The following KTN1 variants were observed in gnomAD, a reference collection of about 807,000 sequenced individuals.
KTN1 encodes the protein kinectin.
In KTN1, 130 loss-of-function variants were observed where a neutral mutation model predicts 222.5. The ratio of observed to expected loss-of-function variants is 0.58; its 90% CI spans 0.51 to 0.68. The LOEUF (loss-of-function observed/expected upper bound fraction) is 0.68, where lower values mean the gene tolerates loss of function less well. KTN1 is among the 30% of genes least tolerant of loss of function. The pLI, the probability that KTN1 is intolerant of heterozygous loss-of-function variation, is 0.00. For missense variants in KTN1, 1,508 were observed against 1,500.4 expected (o/e 1.01, Z -0.08); for synonymous variants, 512 against 496.3 (o/e 1.03, Z -0.42).
chr14:55,643,525 C>G (rs919158579), intron 18 of KTN1, among the ~76,000 whole-genome samples: 1 of 152,012 alleles, frequency 6.6e-6, no homozygotes, highest in Non-Finnish European at 1.5e-5. Context: ...TGCTGATAAC[C>G]AGTGTATGAA....
At chr14:55,647,361 G>A (rs112418863) in intron 19 of KTN1, among the ~76,000 whole-genome samples, 9,216 of 152,158 alleles carry the variant, frequency 0.061, 385 homozygotes, top group South Asian at 0.089. Context: ...ACTGCTGGGC[G>A]TGGTGGCTCA....
At chr14:55,582,869 A>G (rs182071048) in intron 1 of KTN1, among the ~76,000 whole-genome samples, 7 of 152,268 alleles carry the variant, frequency 4.6e-5, no homozygotes, top group African/African-American at 1.4e-4. Context: ...TACTGTTTTT[A>G]GTGACTTTGA....
chr14:55,679,548 T>C lies in KTN1; in HGVS notation c.3949-17T>C. On this transcript the variant is annotated splice_polypyrimidine_tract_variant and intron_variant, in intron 42 of 43. Coordinates refer to ENST00000395314, the MANE Select transcript of KTN1 (RefSeq NM_001079521.2). Reference sequence around the variant, plus strand: ...CCTTGTGTATGGAGTTTATCATCACTTCCATCTTCTTTTTAGGAGTCTTCT... The same window carrying C: ...CCTTGTGTATGGAGTTTATCATCACCTCCATCTTCTTTTTAGGAGTCTTCT... The C allele has an allele frequency of 1.3e-6, 2 of 1,594,566 alleles. No homozygotes were observed. Among genetic ancestry groups the C allele is most frequent in the Non-Finnish European group, 8.6e-7 (1 of 1,167,590 alleles).
chr14:55,625,159 A>C (rs189285967), intron 5 of KTN1, among the ~76,000 whole-genome samples: 5 of 152,262 alleles, frequency 3.3e-5, no homozygotes, highest in Admixed American at 6.5e-5. Context: ...GTGGCCTTAG[A>C]TAAGTTACTT....
At chr14:55,593,803 C>G (rs914159824) in intron 1 of KTN1, among the ~76,000 whole-genome samples, 2 of 151,760 alleles carry the variant, frequency 1.3e-5, no homozygotes, top group Non-Finnish European at 2.9e-5. Flanking sequence ...TTTGCAGTGT[C>G]ATTGTTTTTC....
At chr14:55,611,392 C>A (rs901171120) in intron 1 of KTN1, among the ~76,000 whole-genome samples, 1 of 151,340 alleles carries the variant, frequency 6.6e-6, no homozygotes, top group Non-Finnish European at 1.5e-5. Flanking sequence ...TGAGCCACTG[C>A]GCTTGGTCTG....
chr14:55,646,990 G>A lies in KTN1; in HGVS notation c.2190G>A (p.Val730=), dbSNP rs750756223. 1 of 1,534,148 alleles carries A rather than the reference G, an allele frequency of 6.5e-7. No homozygotes were observed. Among genetic ancestry groups the A allele is most frequent in the Admixed American group, 1.7e-5 (1 of 59,096 alleles). Residue 730 remains valine, a synonymous_variant, in exon 19 of 44, where the codon GTG becomes GTA. Coordinates refer to ENST00000395314, the MANE Select transcript of KTN1 (RefSeq NM_001079521.2). ...LVSEQPNKDV[V]EQMEKCIQEK... is the part of the protein sequence containing the mutation. ...TATTTTAGCCTAATAAGGATGTTGTGGAACAAATGGAAAAATGGTAAGAGT... is the reference window on the plus strand; with the variant it reads ...TATTTTAGCCTAATAAGGATGTTGTAGAACAAATGGAAAAATGGTAAGAGT...
chr14:55,596,767 C>T (rs1286591125), intron 1 of KTN1, among the ~76,000 whole-genome samples: 2 of 151,682 alleles, frequency 1.3e-5, no homozygotes, highest in Non-Finnish European at 2.9e-5. Flanking sequence ...GCTTAGGTTT[C>T]CTATTATTGC....
rs565422650 is a variant in KTN1 at position 55,657,203 on chromosome 14, A to G, written c.2892+1071A>G. On this transcript the variant is annotated intron_variant, in intron 29 of 43. Coordinates refer to ENST00000395314, the MANE Select transcript of KTN1 (RefSeq NM_001079521.2). ...TTTTCACTAATTGACACTCTCACCA[A>G]CTAAGGGCCATTTCACCTTCTTCCT... Among the ~76,000 whole-genome samples, 3 of 152,310 alleles carry G rather than the reference A, an allele frequency of 2.0e-5. No homozygotes were observed. The East Asian group carries it at 5.8e-4, about 29-fold the overall frequency.
At chr14:55,652,975 TATA>T in intron 26 of KTN1, 35 bp downstream of exon 26, 1 of 1,583,750 alleles carries the variant, frequency 6.3e-7, no homozygotes, top group South Asian at 1.1e-5. Flanking sequence ...ATAGCCTTTT[TATA>T]CTTGACTATC....
chr14:55,585,769 T>G (rs1377502892), intron 1 of KTN1, among the ~76,000 whole-genome samples: 1 of 152,214 alleles, frequency 6.6e-6, no homozygotes, highest in African/African-American at 2.4e-5. Flanking sequence ...CACCAGCCCA[T>G]GTATTTTTAC....
chr14:55,666,268 G>A lies in KTN1; in HGVS notation c.3178-973G>A, dbSNP rs916864463. 8.6e-5 allele frequency among the ~76,000 whole-genome samples: 13 copies of A among 152,014 alleles called. 1 individual carries two copies. Among genetic ancestry groups the A allele is most frequent in the African/African-American group, 2.9e-4 (12 of 41,524 alleles). Reference sequence around the variant, plus strand: ...TGAAGTGTGTAGACCTTGAATCAGTGATAGATTTCAAATTTCACATATAAA... The same window carrying A: ...TGAAGTGTGTAGACCTTGAATCAGTAATAGATTTCAAATTTCACATATAAA... On this transcript the variant is annotated intron_variant, in intron 33 of 43. Transcript: ENST00000395314.
intron 8 of KTN1, 120 bp downstream of exon 8, chr14:55,633,461 A>G: frequency 1.8e-6 from 1 of 541,152 alleles, no homozygotes; most frequent in Non-Finnish European, 3.2e-6. Context: ...TTTGTTTCTA[A>G]AATGAGTTAC....
intron 7 of KTN1, 115 bp downstream of exon 7, chr14:55,630,212 A>C (rs1014516789): frequency 2.1e-5 from 19 of 910,334 alleles, no homozygotes; most frequent in Admixed American, 1.4e-4. Context: ...TACAGTGGCT[A>C]GTGAAGTTCA....
intron 28 of KTN1, among the ~76,000 whole-genome samples, chr14:55,655,210 C>G (rs1182789537): frequency 6.6e-6 from 1 of 152,116 alleles, no homozygotes; most frequent in Non-Finnish European, 1.5e-5. Context: ...ATCTCCTGGG[C>G]TTGAGTGATC....
chr14:55,595,111 A>G (rs2034801373), intron 1 of KTN1, among the ~76,000 whole-genome samples: 1 of 152,228 alleles, frequency 6.6e-6, no homozygotes, highest in African/African-American at 2.4e-5. Context: ...TGCTCTGCAT[A>G]TGTACACGAA....
At chr14:55,600,052 A>G (rs1376684362) in intron 1 of KTN1, among the ~76,000 whole-genome samples, 2 of 151,062 alleles carry the variant, frequency 1.3e-5, no homozygotes, top group Admixed American at 1.3e-4. Context: ...GTCATTTTTG[A>G]TAGTATTTGA....
At chr14:55,662,186 C>A (rs2044224351) in intron 32 of KTN1, among the ~76,000 whole-genome samples, 1 of 151,832 alleles carries the variant, frequency 6.6e-6, no homozygotes, top group Admixed American at 6.6e-5. Flanking sequence ...CCTGCCTCAC[C>A]CTCCTGAGTA....
chr14:55,622,203 C>T (rs1258804352), intron 5 of KTN1, among the ~76,000 whole-genome samples: 1 of 152,094 alleles, frequency 6.6e-6, no homozygotes, highest in Non-Finnish European at 1.5e-5. Flanking sequence ...CCGTGCTTTG[C>T]TCTGACTAGA....
Sources: gnomAD v4.1 joint callset for allele counts (sites outside exome capture counted in the v4.1 genomes callset) on GRCh38, gnomAD v4.1.1 for gene constraint, MANE v1.5 for transcripts, NCBI Gene and HGNC (gene_info 2026-07-23, HGNC 2026-07-21) for gene names.